The following CDC25A variants were observed in gnomAD, a reference collection of about 807,000 sequenced individuals.
CDC25A encodes M-phase inducer phosphatase 1.
Under a neutral mutation model 64.6 loss-of-function variants are expected in CDC25A, and 17 were observed. The ratio of observed to expected loss-of-function variants is 0.26; its 90% CI spans 0.18 to 0.39. The LOEUF is 0.39. CDC25A is among the 10% of genes least tolerant of loss of function. The pLI is 1.00. For synonymous variants in CDC25A, 229 were observed against 238.6 expected (o/e 0.96, Z 0.37); for missense variants, 473 against 654.8 (o/e 0.72, Z 3.03).
intron 8 of CDC25A, 95 bp from the exon 9 acceptor site, chr3:48,174,552 A>G: frequency 1.6e-6 from 2 of 1,240,642 alleles, no homozygotes; most frequent in South Asian, 3.0e-5. Context: ...GGGATGATCT[A>G]AGATCAATTC....
At chr3:48,164,596 C>T (rs1251835602) in intron 12 of CDC25A, among the ~76,000 whole-genome samples, 159 bp from the exon 13 acceptor site, 1 of 152,148 alleles carries the variant, frequency 6.6e-6, no homozygotes, top group East Asian at 1.9e-4. Context: ...GACCATTTGG[C>T]ACCTGTATCT....
chr3:48,178,659 C>T (rs1380785657), intron 6 of CDC25A, among the ~76,000 whole-genome samples: 1 of 152,108 alleles, frequency 6.6e-6, no homozygotes, highest in Non-Finnish European at 1.5e-5. Flanking sequence ...GATTATACAC[C>T]TCATCTGTTT....
At chr3:48,162,406 T>C (rs1333595725) in intron 13 of CDC25A, among the ~76,000 whole-genome samples, 4 of 151,904 alleles carry the variant, frequency 2.6e-5, no homozygotes, top group Non-Finnish European at 2.9e-5. Flanking sequence ...CCACCTCCTA[T>C]TTTTTGTAGA....
At chr3:48,186,095 T>A (rs1442957018) in intron 2 of CDC25A, among the ~76,000 whole-genome samples, 1 of 152,224 alleles carries the variant, frequency 6.6e-6, no homozygotes, top group Non-Finnish European at 1.5e-5. Flanking sequence ...ACACTGTACT[T>A]CCAATCATTT....
intron 13 of CDC25A, among the ~76,000 whole-genome samples, chr3:48,163,298 A>AAAAG (rs1189548409): frequency 0.011 from 1,569 of 148,170 alleles, 14 homozygotes; most frequent in Non-Finnish European, 0.017. Context: ...AAAAAAAAAA[A>AAAAG]AAAGAAAGAA....
At chr3:48,174,145 A>C (rs2032368035) in intron 9 of CDC25A, 139 bp downstream of exon 9, 4 of 723,314 alleles carry the variant, frequency 5.5e-6, no homozygotes, top group South Asian at 2.0e-5. Flanking sequence ...AGAAACACAC[A>C]CACACCCACA....
At position 48,164,292 on chromosome 3, in the gene CDC25A, C is replaced by T; in HGVS notation, c.1322+15G>A. On this transcript the variant is annotated intron_variant, in intron 13 of 14. Coordinates refer to ENST00000302506, the MANE Select transcript of CDC25A (RefSeq NM_001789.3). The stretch of plus-strand genomic sequence containing the variant: ...GGAGCCTGTGCCCCAGAACCCAGTT[C>T]CGTGCAGCACTCACATGCGGGGACC... The T allele has an allele frequency of 6.5e-7, 1 of 1,540,604 alleles. No individual in the cohort carries two copies.
chr3:48,174,141 ACACACACACC>A (rs2032367691), intron 9 of CDC25A, 133 bp downstream of exon 9: 1 of 709,968 alleles, frequency 1.4e-6, no homozygotes, highest in Non-Finnish European at 2.3e-6. Context: ...TAAAAGAAAC[ACACACACACC>A]CACACACACA....
intron 8 of CDC25A, among the ~76,000 whole-genome samples, chr3:48,176,662 C>T (rs980671257): frequency 6.7e-6 from 1 of 149,936 alleles, no homozygotes; most frequent in Non-Finnish European, 1.5e-5. Flanking sequence ...ACAAAACAAA[C>T]AAACAAAACA....
chr3:48,183,496 T>G (rs1301616043), intron 4 of CDC25A, among the ~76,000 whole-genome samples: 2 of 151,818 alleles, frequency 1.3e-5, no homozygotes, highest in Non-Finnish European at 2.9e-5. Flanking sequence ...GGCAACAGAG[T>G]GAGACCCCCA....
At chr3:48,169,410 T>TG (rs1003014603) in intron 9 of CDC25A, among the ~76,000 whole-genome samples, 4 of 152,188 alleles carry the variant, frequency 2.6e-5, no homozygotes, top group Admixed American at 1.3e-4. Context: ...CAAATAGAAC[T>TG]GGAATTCAAT....
chr3:48,173,511 A>C (rs2032344053), intron 9 of CDC25A, among the ~76,000 whole-genome samples: 1 of 152,228 alleles, frequency 6.6e-6, no homozygotes, highest in Admixed American at 6.5e-5. Context: ...TTGAGGCAGA[A>C]GACTTTTAGA....
At chr3:48,172,467 G>C (rs2032303187) in intron 9 of CDC25A, among the ~76,000 whole-genome samples, 1 of 152,158 alleles carries the variant, frequency 6.6e-6, no homozygotes, top group African/African-American at 2.4e-5. Context: ...TATAATGAAG[G>C]AAAAACATAC....
intron 2 of CDC25A, among the ~76,000 whole-genome samples, chr3:48,185,707 G>A (rs954599692): frequency 6.6e-6 from 1 of 152,154 alleles, no homozygotes; most frequent in African/African-American, 2.4e-5. Flanking sequence ...ACACCAAGGT[G>A]TCCATCTCAC....
At chr3:48,186,894 GC>G in intron 1 of CDC25A, 115 bp from the exon 2 acceptor site, 1 of 684,164 alleles carries the variant, frequency 1.5e-6, no homozygotes, top group Non-Finnish European at 2.5e-6. Flanking sequence ...CCATTTCTAG[GC>G]CACACCACAA....
intron 13 of CDC25A, among the ~76,000 whole-genome samples, chr3:48,162,116 C>T (rs1188996114): frequency 6.6e-6 from 1 of 152,086 alleles, no homozygotes; most frequent in Admixed American, 6.6e-5. Context: ...AATGAGCATC[C>T]TTTGGAGACA....
In CDC25A at chr3:48,167,917, A is replaced by G. The variant is rs750770255; in HGVS notation, c.958T>C (p.Ser320Pro). The G allele has an allele frequency of 6.2e-6, 10 of 1,609,178 alleles. No homozygotes were observed. The South Asian group carries it at 1.1e-4, about 18-fold the overall frequency. ...ETLHQSLSLA[S>P]SPKGTIENIL... Reference sequence around the variant, plus strand: ...TTCTCAATGGTTCCTTTGGGGGAAGATGCCAGGGATAAAGACTGATGAAGA... The same window carrying G: ...TTCTCAATGGTTCCTTTGGGGGAAGGTGCCAGGGATAAAGACTGATGAAGA... The change falls in exon 10 of 15, where the codon TCT becomes CCT. Residue 320 changes from serine to proline, a missense_variant. Physicochemically the swap from Ser to Pro is moderately conservative, Grantham distance 74. This residue lies in a region of CDC25A where 376 missense variants were observed against 431.9 expected (regional missense o/e 0.87). Coordinates refer to ENST00000302506, the MANE Select transcript of CDC25A (RefSeq NM_001789.3).
intron 10 of CDC25A, among the ~76,000 whole-genome samples, chr3:48,166,991 T>G (rs1559957816): frequency 2.0e-5 from 3 of 152,188 alleles, no homozygotes; most frequent in Non-Finnish European, 4.4e-5. Flanking sequence ...TCTCCGTTCC[T>G]TCAAAACCCA....
Position 48,177,838 on chromosome 3 carries a change from C to T in CDC25A, c.684+16G>A. The stretch of plus-strand genomic sequence containing the variant: ...TTAGTAGAACAAATAGGAACACACA[C>T]ACACACACACGGTACCTTCAGATTC... On this transcript the variant is annotated intron_variant, in intron 7 of 14. Transcript: ENST00000302506. 6.2e-7 allele frequency: 1 copy of T among 1,613,134 alleles called. No individual in the cohort carries two copies. The highest frequency in any genetic ancestry group is 8.5e-7 in the Non-Finnish European group (1 of 1,179,266).
Sources: allele counts gnomAD v4.1 joint callset (sites outside exome capture counted in the v4.1 genomes callset), GRCh38; gene constraint gnomAD v4.1.1; regional missense constraint gnomAD v4.1.1; transcripts MANE v1.5; gene names NCBI Gene and HGNC (gene_info 2026-07-23, HGNC 2026-07-21).